The following DYSF variants were observed in gnomAD, a reference collection of about 807,000 sequenced individuals.
DYSF encodes dystrophy-associated fer-1-like 1.
DYSF carries 212 observed loss-of-function variants against 274.9 expected under a neutral mutation model. That is an observed-to-expected ratio of 0.77 (90% CI 0.69 to 0.86). The LOEUF is 0.86. Among genes scored for constraint, DYSF ranks in the 40% least tolerant of loss-of-function variants. The pLI, the probability that DYSF is intolerant of heterozygous loss-of-function variation, is 0.00. For missense variants in DYSF, 2,666 were observed against 2,783.2 expected (o/e 0.96, Z 0.95); for synonymous variants, 1,091 against 1,078.7 (o/e 1.01, Z -0.22).
At chr2:71,544,788 T>G (rs1410995014) in intron 17 of DYSF, among the ~76,000 whole-genome samples, 1 of 152,204 alleles carries the variant, frequency 6.6e-6, no homozygotes, top group African/African-American at 2.4e-5. Flanking sequence ...TGTCCTCAGA[T>G]CCTTCCGTAA....
intron 1 of DYSF, among the ~76,000 whole-genome samples, chr2:71,455,829 C>T (rs554798204): frequency 6.6e-5 from 10 of 152,154 alleles, no homozygotes; most frequent in Non-Finnish European, 5.9e-5. Flanking sequence ...TCAGCCTGAA[C>T]CAGATTTTCT....
In DYSF at chr2:71,654,748, C is replaced by A. The variant is rs2094735960; in HGVS notation, c.4627-1414C>A. ...AGTTTTATAGAAGTATATTTTTTGACCTTGCAAAGATTTTCATGGTACATC... is the reference window on the plus strand; with the variant it reads ...AGTTTTATAGAAGTATATTTTTTGAACTTGCAAAGATTTTCATGGTACATC... On this transcript the variant is annotated intron_variant, in intron 42 of 55. Coordinates refer to ENST00000410020, the MANE Select transcript of DYSF (RefSeq NM_001130987.2). Among the ~76,000 whole-genome samples, 3 of 151,602 alleles carry A rather than the reference C, an allele frequency of 2.0e-5. 1 individual carries two copies. The South Asian group carries it at 6.2e-4, about 31-fold the overall frequency.
At chr2:71,514,127 G>A (rs55816929) in intron 7 of DYSF, among the ~76,000 whole-genome samples, 60 of 143,590 alleles carry the variant, frequency 4.2e-4, no homozygotes, top group African/African-American at 1.5e-3. Flanking sequence ...AGCTTCTGCC[G>A]AGACCTGTGG....
chr2:71,650,534 C>T (rs1370376945), intron 42 of DYSF, among the ~76,000 whole-genome samples: 2 of 152,038 alleles, frequency 1.3e-5, no homozygotes, highest in African/African-American at 4.8e-5. Flanking sequence ...ATGTAGAAGG[C>T]TTGGCATGAT....
chr2:71,487,407 A>C (rs1229553494), intron 3 of DYSF, among the ~76,000 whole-genome samples: 2 of 151,940 alleles, frequency 1.3e-5, no homozygotes, highest in Non-Finnish European at 2.9e-5. Flanking sequence ...GAACCTCTGG[A>C]GTGGGCTGCA....
chr2:71,469,517 G>A (rs1342880867), intron 1 of DYSF, among the ~76,000 whole-genome samples: 3 of 152,206 alleles, frequency 2.0e-5, no homozygotes, highest in Admixed American at 6.5e-5. Flanking sequence ...TTGCAGAGAA[G>A]CCAGCCTGCA....
chr2:71,644,920 A>G (rs1558711405), intron 42 of DYSF, among the ~76,000 whole-genome samples: 1 of 152,196 alleles, frequency 6.6e-6, no homozygotes, highest in African/African-American at 2.4e-5. Flanking sequence ...TGAAACAGGA[A>G]AAGTTCCCTT....
rs115236912 is a variant in DYSF at position 71,597,494 on chromosome 2, C to T, written c.3575-1070C>T. On this transcript the variant is annotated intron_variant, in intron 32 of 55. Transcript: ENST00000410020. ...GCAGCATGAGCATCACTTTTAGGAA[C>T]TTGTTAGAAATGCACATTCTCCAGC... Among the ~76,000 whole-genome samples the T allele has an allele frequency of 6.9e-3, 1,044 of 152,292 alleles. 16 individuals carry two copies. The highest frequency in any genetic ancestry group is 0.024 in the African/African-American group (1,009 of 41,544).
intron 30 of DYSF, among the ~76,000 whole-genome samples, chr2:71,577,364 C>T (rs573161005): frequency 1.3e-4 from 19 of 151,636 alleles, no homozygotes; most frequent in East Asian, 3.9e-4. Flanking sequence ...AGCACACTAA[C>T]GCACACATAC....
rs376204869 is a variant in DYSF, at chr2:71,482,818, A to G, written c.239+848A>G. Among the ~76,000 whole-genome samples the G allele has an allele frequency of 5.4e-4, 82 of 152,274 alleles. 1 individual carries two copies. The South Asian group carries it at 0.016, about 30-fold the overall frequency. ...GGAGGCAGCTGCGTTAGATGCCAGC[A>G]GGAGTGGGTTCGTGCTTCAAGTGCC... On this transcript the variant is annotated intron_variant, in intron 3 of 55. Coordinates refer to ENST00000410020, the MANE Select transcript of DYSF (RefSeq NM_001130987.2).
At chr2:71,618,269 GTGTGT>G (rs2093968957) in intron 40 of DYSF, among the ~76,000 whole-genome samples, 1 of 22,642 alleles carries the variant, frequency 4.4e-5, no homozygotes, top group Admixed American at 5.3e-4. Context: ...TGGTAGAGGT[GTGTGT>G]GTGTGGTAGA....
intron 42 of DYSF, among the ~76,000 whole-genome samples, chr2:71,649,137 CAAAA>C (rs376775027): frequency 1.1e-5 from 1 of 89,736 alleles, no homozygotes; most frequent in South Asian, 4.5e-4. Flanking sequence ...ACTTTGTCTC[CAAAA>C]AAAAAAAAAA....
chr2:71,503,397 GACCC>G (rs2085184718), intron 4 of DYSF, 78 bp downstream of exon 4: 1 of 1,431,180 alleles, frequency 7.0e-7, no homozygotes, highest in Non-Finnish European at 9.8e-7. Flanking sequence ...TTGCCATTCT[GACCC>G]CAGACATGCA....
At chr2:71,461,070 G>A (rs1316562888) in intron 1 of DYSF, among the ~76,000 whole-genome samples, 2 of 152,170 alleles carry the variant, frequency 1.3e-5, no homozygotes, top group African/African-American at 2.4e-5. Flanking sequence ...ACACCCGGGA[G>A]CCACGTGCAG....
At chr2:71,624,441 G>T (rs554168282) in intron 41 of DYSF, among the ~76,000 whole-genome samples, 12 of 152,298 alleles carry the variant, frequency 7.9e-5, no homozygotes, top group South Asian at 2.1e-4. Flanking sequence ...TGATATCGGG[G>T]TTATACTAGT....
intron 37 of DYSF, 41 bp downstream of exon 37, chr2:71,611,387 T>TGCC: frequency 1.9e-6 from 3 of 1,613,694 alleles, no homozygotes; most frequent in Non-Finnish European, 2.5e-6. Context: ...GGGAGCAGCC[T>TGCC]GCCCTTCCCC....
In DYSF at chr2:71,489,486, T is replaced by C. The variant is rs144279352; in HGVS notation, c.239+7516T>C. 1.1e-3 allele frequency among the ~76,000 whole-genome samples: 160 copies of C among 152,362 alleles called. No individual in the cohort carries two copies. The East Asian group carries it at 0.012, about 11-fold the overall frequency. The stretch of plus-strand genomic sequence containing the variant: ...GGAATGGTGTATCTTCTTCCTGACA[T>C]AGGGCCATCTCTGAGCCTGGCCTTG... On this transcript the variant is annotated intron_variant, in intron 3 of 55. Transcript: ENST00000410020.
At position 71,553,157 on chromosome 2, in the gene DYSF, C is replaced by T. The variant is rs1312342369; in HGVS notation, c.1953C>T (p.Ser651=). The T allele has an allele frequency of 1.2e-6, 2 of 1,614,012 alleles. No homozygotes were observed. The highest frequency in any genetic ancestry group is 1.7e-6 in the Non-Finnish European group (2 of 1,180,044). Residue 651 remains serine, a synonymous_variant, in exon 20 of 56, where the codon TCC becomes TCT. Transcript: ENST00000410020. ...ACATGACCTGCCTGCCGCTGGCCTCCACCACTCAGTACAGCCGTGCAGTCT... is the reference window on the plus strand; with the variant it reads ...ACATGACCTGCCTGCCGCTGGCCTCTACCACTCAGTACAGCCGTGCAGTCT... The part of the protein sequence containing the change: ...KFDMTCLPLA[S]TTQYSRAVFD...
intron 27 of DYSF, 76 bp downstream of exon 27, chr2:71,570,010 G>A (rs2092328887): frequency 4.4e-6 from 6 of 1,365,348 alleles, no homozygotes; most frequent in Non-Finnish European, 6.2e-6. Flanking sequence ...GGGACAGGTG[G>A]GGCATGTTTC....
Sources: gnomAD v4.1 joint callset for allele counts (sites outside exome capture counted in the v4.1 genomes callset) on GRCh38, gnomAD v4.1.1 for gene constraint, MANE v1.5 for transcripts, NCBI Gene and HGNC (gene_info 2026-07-23, HGNC 2026-07-21) for gene names.